Variants in DENND1A observed in about 807,000 individuals in gnomAD.
The protein encoded by DENND1A is DENN domain containing 1A.
Under a neutral mutation model 113.7 loss-of-function variants are expected in DENND1A, and 51 were observed. That is an observed-to-expected ratio of 0.45 (90% CI 0.36 to 0.57). The LOEUF (loss-of-function observed/expected upper bound fraction) is 0.57. DENND1A is among the 20% of genes least tolerant of loss of function. The pLI is 0.00. For missense variants in DENND1A, 1,258 were observed against 1,395.9 expected, an observed-to-expected ratio of 0.90 and a Z score of 1.57; for synonymous variants, 565 against 570.8, an observed-to-expected ratio of 0.99 and a Z score of 0.14.
chr9:123,453,183 CA>C (rs1181869536), intron 16 of DENND1A, among the ~76,000 whole-genome samples: 2 of 152,166 alleles, frequency 1.3e-5, no homozygotes, highest in African/African-American at 2.4e-5. Context: ...CTCTGCCTTC[CA>C]AAACCTCCAG....
intron 19 of DENND1A, among the ~76,000 whole-genome samples, chr9:123,423,879 T>C (rs1358338049): frequency 1.3e-5 from 2 of 152,168 alleles, no homozygotes; most frequent in Non-Finnish European, 2.9e-5. Flanking sequence ...TCTCCATCCA[T>C]CACAGGTACA....
At chr9:123,614,203 C>T (rs958604141) in intron 10 of DENND1A, among the ~76,000 whole-genome samples, 2 of 152,220 alleles carry the variant, frequency 1.3e-5, no homozygotes, top group Non-Finnish European at 1.5e-5. Flanking sequence ...TGAAGCCGTA[C>T]TTCAGACGCA....
intron 13 of DENND1A, among the ~76,000 whole-genome samples, chr9:123,490,063 C>T (rs1294397582): frequency 6.6e-6 from 1 of 152,154 alleles, no homozygotes; most frequent in Admixed American, 6.5e-5. Flanking sequence ...ATTGTGAATT[C>T]CTACACTTTG....
chr9:123,482,378 G>A (rs1479544936), intron 13 of DENND1A, among the ~76,000 whole-genome samples: 14 of 152,170 alleles, frequency 9.2e-5, no homozygotes, highest in Admixed American at 2.0e-4. Context: ...GATTACAGGC[G>A]TGAACCACCG....
chr9:123,745,599 T>C (rs2069426013), intron 5 of DENND1A, among the ~76,000 whole-genome samples: 1 of 152,230 alleles, frequency 6.6e-6, no homozygotes, highest in Non-Finnish European at 1.5e-5. Flanking sequence ...GTCAACGATA[T>C]ACATGTCCTA....
intron 13 of DENND1A, among the ~76,000 whole-genome samples, chr9:123,458,242 C>G (rs1227598710): frequency 6.6e-6 from 1 of 152,074 alleles, no homozygotes; most frequent in African/African-American, 2.4e-5. Flanking sequence ...CTCAAGTGAT[C>G]CACCCATCTT....
intron 13 of DENND1A, among the ~76,000 whole-genome samples, chr9:123,487,235 G>A (rs1311021319): frequency 6.6e-6 from 1 of 152,210 alleles, no homozygotes; most frequent in African/African-American, 2.4e-5. Context: ...TATAAGCCAA[G>A]AAATTCTCCC....
At chr9:123,506,580 CA>C (rs10542393) in intron 13 of DENND1A, among the ~76,000 whole-genome samples, 9 of 73,910 alleles carry the variant, frequency 1.2e-4, no homozygotes, top group South Asian at 1.7e-3. Flanking sequence ...GACTCTGTCT[CA>C]AAAAAAAAAA....
At chr9:123,808,609 T>A (rs1836003647) in intron 2 of DENND1A, among the ~76,000 whole-genome samples, 1 of 152,136 alleles carries the variant, frequency 6.6e-6, no homozygotes, top group Non-Finnish European at 1.5e-5. Context: ...CTCAAACACC[T>A]GAGATCAAGC....
intron 3 of DENND1A, among the ~76,000 whole-genome samples, chr9:123,782,253 G>A (rs1831433549): frequency 6.6e-6 from 1 of 152,130 alleles, no homozygotes; most frequent in South Asian, 2.1e-4. Flanking sequence ...TTGGAAGAGT[G>A]CTCTGATAAA....
chr9:123,591,048 T>C (rs10760293), intron 11 of DENND1A, among the ~76,000 whole-genome samples: 65,835 of 151,926 alleles, frequency 0.43, 14,875 homozygotes, highest in African/African-American at 0.56. Flanking sequence ...TTAGGATAAA[T>C]ATAAAAAGCC....
Position 123,563,259 on chromosome 9 carries a change from C to T in DENND1A, c.868-5564G>A, listed in dbSNP as rs532294306. Among the ~76,000 whole-genome samples the T allele has an allele frequency of 2.6e-5, 4 of 152,236 alleles. No individual in the cohort carries two copies. The South Asian group carries it at 8.3e-4, about 32-fold the overall frequency. On this transcript the variant is annotated intron_variant, in intron 12 of 23. Transcript: ENST00000394215. ...CATCCAGTAACACACACAGTATTGC[C>T]CCGGCCCTGCCTTCACCCGACCGTG... is the stretch of plus-strand genomic sequence containing the variant.
At chr9:123,813,981 T>G (rs1837057550) in intron 2 of DENND1A, among the ~76,000 whole-genome samples, 1 of 152,200 alleles carries the variant, frequency 6.6e-6, no homozygotes, top group Admixed American at 6.5e-5. Flanking sequence ...AATTTGATTG[T>G]GATATTCTTG....
chr9:123,740,597 AG>A (rs1283476370), intron 5 of DENND1A, among the ~76,000 whole-genome samples: 2 of 152,168 alleles, frequency 1.3e-5, no homozygotes, highest in African/African-American at 2.4e-5. Flanking sequence ...ATTCCTTCTT[AG>A]AAAAAAAAAA....
intron 3 of DENND1A, among the ~76,000 whole-genome samples, chr9:123,779,531 A>G (rs1007633700): frequency 6.6e-6 from 1 of 152,134 alleles, no homozygotes; most frequent in Non-Finnish European, 1.5e-5. Flanking sequence ...ACAGGGTCTC[A>G]CTGTGTTGCC....
chr9:123,847,138 G>A (rs912257136), intron 2 of DENND1A, among the ~76,000 whole-genome samples: 2 of 152,056 alleles, frequency 1.3e-5, no homozygotes, highest in African/African-American at 4.8e-5. Flanking sequence ...CACTGTGCCT[G>A]GCCATAAATG....
intron 2 of DENND1A, among the ~76,000 whole-genome samples, chr9:123,848,581 C>T (rs1303539097): frequency 1.3e-5 from 2 of 152,046 alleles, no homozygotes; most frequent in Non-Finnish European, 2.9e-5. Context: ...CATAATTCAC[C>T]CTACAATGGC....
chr9:123,863,079 G>A (rs1345674872), intron 2 of DENND1A, among the ~76,000 whole-genome samples: 1 of 152,102 alleles, frequency 6.6e-6, no homozygotes, highest in Non-Finnish European at 1.5e-5. Context: ...TAATAAGTGC[G>A]ATGACAATGA....
intron 23 of DENND1A, 140 bp from the exon 24 acceptor site, chr9:123,382,765 T>G: frequency 1.1e-6 from 1 of 903,346 alleles, no homozygotes; most frequent in South Asian, 1.6e-5. Flanking sequence ...TTGGAACAGC[T>G]GAGGGCTCCC....
Sources: allele counts gnomAD v4.1 joint callset (sites outside exome capture counted in the v4.1 genomes callset), GRCh38; gene constraint gnomAD v4.1.1; transcripts MANE v1.5; gene names NCBI Gene and HGNC (gene_info 2026-07-23, HGNC 2026-07-21).